CUX1: variants seen among roughly 807,000 people sequenced by gnomAD.
The protein encoded by CUX1 is protein CASP.
In CUX1, 31 loss-of-function variants were observed where a neutral mutation model predicts 158.8. The ratio of observed to expected loss-of-function variants is 0.20; its 90% CI spans 0.15 to 0.26. CUX1 has a LOEUF of 0.26. Among genes scored for constraint, CUX1 ranks in the 10% least tolerant of loss-of-function variants. CUX1 has a pLI of 1.00. For synonymous variants in CUX1, 879 were observed against 862.1 expected (o/e 1.02, Z -0.34); for missense variants, 1,589 against 2,014.6 (o/e 0.79, Z 4.04).
intron 8 of CUX1, chr7:102,115,815 T>C (rs533489205): frequency 6.6e-6 from 1 of 152,356 alleles, no homozygotes; most frequent in South Asian, 2.1e-4. Context: ...AGTGTACTTT[T>C]TACCCGCCCA....
chr7:101,870,150 T>TG (rs1554400775), intron 1 of CUX1, among the ~76,000 whole-genome samples: 3 of 114,628 alleles, frequency 2.6e-5, no homozygotes, highest in African/African-American at 1.1e-4. Flanking sequence ...TAGTGTTTTT[T>TG]TTGTTTTTTT....
intron 2 of CUX1, among the ~76,000 whole-genome samples, chr7:101,964,868 C>T (rs941585626): frequency 3.9e-5 from 6 of 152,214 alleles, no homozygotes; most frequent in African/African-American, 7.2e-5. Flanking sequence ...AATACGAGGG[C>T]TTGTGCAACA....
At chr7:102,282,803 TC>T (rs781856727) in intron 22 of CUX1, 3 of 1,174,718 alleles carry the variant, frequency 2.6e-6, no homozygotes, top group Non-Finnish European at 3.2e-6. Context: ...GGGCCCCCCC[TC>T]AGCCCCACAG....
intron 2 of CUX1, among the ~76,000 whole-genome samples, chr7:101,978,703 C>G (rs1274235165): frequency 1.3e-5 from 2 of 152,256 alleles, no homozygotes; most frequent in Non-Finnish European, 2.9e-5. Flanking sequence ...CCGGTCTTCA[C>G]CCTTGAACCT....
At chr7:102,272,077 G>A (rs991285582) in intron 14 of CUX1, among the ~76,000 whole-genome samples, 6 of 152,244 alleles carry the variant, frequency 3.9e-5, no homozygotes, top group African/African-American at 7.2e-5. Flanking sequence ...AGACTCTGGT[G>A]TGAGCAAGGG....
chr7:102,262,395 C>CATGGATGGATGGATGGATGGATGG (rs55973199), downstream of CUX1, among the ~76,000 whole-genome samples: 13,965 of 143,128 alleles, frequency 0.098, 972 homozygotes, highest in African/African-American at 0.17. Flanking sequence ...AAGACTCCAT[C>CATGGATGGATGGATGGATGGATGG]ATGGATGGAT....
intron 2 of CUX1, among the ~76,000 whole-genome samples, chr7:101,987,120 T>C (rs994055604): frequency 5.9e-5 from 9 of 152,194 alleles, no homozygotes; most frequent in Admixed American, 1.3e-4. Flanking sequence ...CGTCTTGGAA[T>C]GAGGCACCTG....
chr7:101,945,636 C>T (rs1464352254), intron 2 of CUX1, among the ~76,000 whole-genome samples: 1 of 152,156 alleles, frequency 6.6e-6, no homozygotes, highest in African/African-American at 2.4e-5. Flanking sequence ...AGGTCCTGGT[C>T]AGGGCTGTGG....
intron 1 of CUX1, among the ~76,000 whole-genome samples, chr7:101,898,034 C>T (rs1264873079): frequency 6.6e-6 from 1 of 152,102 alleles, no homozygotes; most frequent in African/African-American, 2.4e-5. Flanking sequence ...TTTTGGCAGC[C>T]CCGAGGGGTC....
chr7:101,927,737 CAA>C (rs1180366829), intron 2 of CUX1, among the ~76,000 whole-genome samples: 2 of 152,338 alleles, frequency 1.3e-5, no homozygotes, highest in East Asian at 3.9e-4. Flanking sequence ...TTTTCTGGGC[CAA>C]AGGCCCAGAA....
chr7:102,077,831 A>G (rs1304597475), intron 4 of CUX1, among the ~76,000 whole-genome samples: 1 of 151,842 alleles, frequency 6.6e-6, no homozygotes, highest in African/African-American at 2.4e-5. Flanking sequence ...TTCGTCAGTA[A>G]TTAACCTTGT....
intron 1 of CUX1, among the ~76,000 whole-genome samples, chr7:101,899,779 C>T (rs1801939335): frequency 6.6e-6 from 1 of 152,096 alleles, no homozygotes; most frequent in Non-Finnish European, 1.5e-5. Context: ...TGGTAATTGG[C>T]ATGAATTTCC....
chr7:102,035,828 A>G (rs2129349912), intron 3 of CUX1, among the ~76,000 whole-genome samples: 2 of 152,244 alleles, frequency 1.3e-5, no homozygotes, highest in South Asian at 4.1e-4. Context: ...TTTTCTCCAG[A>G]TTGATCACAG....
At chr7:102,078,378 G>C (rs1006067338) in intron 4 of CUX1, among the ~76,000 whole-genome samples, 1 of 152,134 alleles carries the variant, frequency 6.6e-6, no homozygotes, top group Admixed American at 6.5e-5. Context: ...ACCCAGCCTA[G>C]TAATGGTGTA....
intron 1 of CUX1, among the ~76,000 whole-genome samples, chr7:101,849,123 G>C (rs1438041793): frequency 6.6e-6 from 1 of 152,082 alleles, no homozygotes; most frequent in Admixed American, 6.6e-5. Flanking sequence ...AGTTGAGTTG[G>C]GGGTATGAGA....
At chr7:102,009,159 A>G (rs1023799512) in intron 2 of CUX1, among the ~76,000 whole-genome samples, 1 of 152,234 alleles carries the variant, frequency 6.6e-6, no homozygotes, top group Non-Finnish European at 1.5e-5. Context: ...GATTGTAGCC[A>G]GATGGCCTCA....
chr7:101,821,438 A>G (rs1368610012), intron 1 of CUX1, among the ~76,000 whole-genome samples: 2 of 150,988 alleles, frequency 1.3e-5, no homozygotes, highest in Non-Finnish European at 2.9e-5. Flanking sequence ...TCCCGGGTTC[A>G]CACCATTCTC....
At chr7:101,967,149 G>A (rs1018827691) in intron 2 of CUX1, among the ~76,000 whole-genome samples, 1 of 152,068 alleles carries the variant, frequency 6.6e-6, no homozygotes, top group African/African-American at 2.4e-5. Flanking sequence ...GAGTAGCTGG[G>A]ATTACAGGTG....
At chr7:101,878,671 C>T (rs1257427714) in intron 1 of CUX1, among the ~76,000 whole-genome samples, 1 of 151,530 alleles carries the variant, frequency 6.6e-6, no homozygotes, top group Non-Finnish European at 1.5e-5. Context: ...CTTACAAGAT[C>T]TTTTTTTGTT....
Sources: gnomAD v4.1 joint callset for allele counts (sites outside exome capture counted in the v4.1 genomes callset) on GRCh38, gnomAD v4.1.1 for gene constraint, MANE v1.5 for transcripts, NCBI Gene and HGNC (gene_info 2026-07-23, HGNC 2026-07-21) for gene names.